Variants in KLHL11 observed in about 807,000 individuals in gnomAD.
The protein encoded by KLHL11 is kelch like family member 11.
KLHL11 carries 26 observed loss-of-function variants against 56.1 expected under a neutral mutation model. That is an observed-to-expected ratio of 0.46 (90% CI 0.34 to 0.64). KLHL11 has a LOEUF of 0.64. KLHL11 is among the 30% of genes least tolerant of loss of function. The probability of loss-of-function intolerance (pLI) is 0.01; values close to 1 mark genes in which losing one functional copy is unlikely to be tolerated. For missense variants in KLHL11, 627 were observed against 919.4 expected, an observed-to-expected ratio of 0.68 and a Z score of 4.11; for synonymous variants, 338 against 345.8, an observed-to-expected ratio of 0.98 and a Z score of 0.25.
chr17:41,859,057 T>G (rs1416959613), intron 1 of KLHL11, among the ~76,000 whole-genome samples: 1 of 152,158 alleles, frequency 6.6e-6, no homozygotes, highest in Non-Finnish European at 1.5e-5. Context: ...TCCAGGATCA[T>G]AGATTCAAGT....
Position 41,865,038 on chromosome 17 carries a change from G to A in KLHL11, c.333C>T (p.His111=), listed in dbSNP as rs1196568148. The A allele has an allele frequency of 1.1e-5, 18 of 1,588,006 alleles. No individual in the cohort carries two copies. Among genetic ancestry groups the A allele is most frequent in the Non-Finnish European group, 1.4e-5 (16 of 1,164,758 alleles). The change falls in exon 1 of 2, where the codon CAC becomes CAT. Residue 111 remains histidine (H), a synonymous_variant. Coordinates refer to ENST00000319121, the MANE Select transcript of KLHL11 (RefSeq NM_018143.3). ...CGGTGGCGGCAGCCAGTACCGAGCGGTGGGCCCGGAACTCGCGGCCTCCAG... is the reference window on the plus strand; with the variant it reads ...CGGTGGCGGCAGCCAGTACCGAGCGATGGGCCCGGAACTCGCGGCCTCCAG... ...GGAGGREFRA[H]RSVLAAATEY...
chr17:41,855,204 A>G lies in KLHL11; in HGVS notation c.663T>C (p.Ala221=). 1 of 1,614,146 alleles carries G rather than the reference A, an allele frequency of 6.2e-7. No individual in the cohort carries two copies. The highest frequency in any genetic ancestry group is 8.5e-7 in the Non-Finnish European group (1 of 1,180,028). The change falls in exon 2 of 2, where the codon GCT becomes GCC. Residue 221 remains alanine (A), a synonymous_variant. Coordinates refer to ENST00000319121, the MANE Select transcript of KLHL11 (RefSeq NM_018143.3). The part of the protein sequence containing the change: ...LAHMYTLSQL[A]LKAADMIRRN... Reference sequence around the variant, plus strand: ...TCCGTATCATATCAGCAGCCTTCAGAGCAAGTTGGCTCAGGGTGTACATGT... The same window carrying G: ...TCCGTATCATATCAGCAGCCTTCAGGGCAAGTTGGCTCAGGGTGTACATGT...
intron 1 of KLHL11, among the ~76,000 whole-genome samples, chr17:41,863,120 C>T (rs931199594): frequency 7.7e-4 from 117 of 152,170 alleles, no homozygotes; most frequent in African/African-American, 2.7e-3. Context: ...ACCACTGCCA[C>T]AACCTCCTAC....
intron 1 of KLHL11, among the ~76,000 whole-genome samples, chr17:41,856,529 GCAACAA>G (rs375004256): frequency 6.6e-6 from 1 of 151,814 alleles, no homozygotes; most frequent in Admixed American, 6.6e-5. Context: ...GAAAACAACA[GCAACAA>G]CAACAACAAC....
Position 41,864,972 on chromosome 17 carries a change from G to A in KLHL11, c.399C>T (p.Ser133=). 1 of 1,610,996 alleles carries A rather than the reference G, an allele frequency of 6.2e-7. No individual in the cohort carries two copies. Among genetic ancestry groups the A allele is most frequent in the East Asian group, 2.2e-5 (1 of 44,730 alleles). ...TPLLSGQFSE[S]RSGRVEMRKW... ...TGCGCATCTCCACCCGTCCCGAGCGGGACTCGGAAAACTGGCCCGAGAGCA... is the reference window on the plus strand; with the variant it reads ...TGCGCATCTCCACCCGTCCCGAGCGAGACTCGGAAAACTGGCCCGAGAGCA... The change falls in exon 1 of 2, where the codon TCC becomes TCT. Residue 133 remains serine (S), a synonymous_variant. Transcript: ENST00000319121.
At chr17:41,862,925 T>C (rs1261128070) in intron 1 of KLHL11, among the ~76,000 whole-genome samples, 1 of 152,202 alleles carries the variant, frequency 6.6e-6, no homozygotes, top group Admixed American at 6.5e-5. Context: ...CAGGCTCTTC[T>C]GCAATCTTCC....
In KLHL11 at chr17:41,864,394, G is replaced by A. The variant is rs558505418; in HGVS notation, c.545+432C>T. 3.9e-5 allele frequency among the ~76,000 whole-genome samples: 6 copies of A among 152,292 alleles called. No homozygotes were observed. In the East Asian group the frequency reaches 1.2e-3, roughly 29 times the overall value. On this transcript the variant is annotated intron_variant, in intron 1 of 1. Coordinates refer to ENST00000319121, the MANE Select transcript of KLHL11 (RefSeq NM_018143.3). ...TAATTCTCTTCTCTAAGCCAAACTGGATCCTGCCTGAGGGCGTTTGCGCTG... is the reference window on the plus strand; with the variant it reads ...TAATTCTCTTCTCTAAGCCAAACTGAATCCTGCCTGAGGGCGTTTGCGCTG...
Position 41,865,335 on chromosome 17 carries a change from C to A in KLHL11, c.36G>T (p.Ala12=). 2 of 1,372,606 alleles carry A rather than the reference C, an allele frequency of 1.5e-6. No individual in the cohort carries two copies. Among genetic ancestry groups the A allele is most frequent in the Non-Finnish European group, 9.4e-7 (1 of 1,064,190 alleles). 85.0% of individuals were successfully genotyped at this position (1,372,606 alleles called of 1,614,324 possible). Residue 12 remains alanine (A), a synonymous_variant, in exon 1 of 2, where the codon GCG becomes GCT. Transcript: ENST00000319121. ...AAAAVAAAAA[A]AAAASLQVLE... is the part of the protein sequence containing the mutation. ...GTACCTGAAGAGATGCAGCCGCGGC[C>A]GCCGCCGCCGCCGCCGCCACTGCCG... is the stretch of plus-strand genomic sequence containing the variant.
At position 41,848,531 on chromosome 17, in the gene KLHL11, G is replaced by A; in HGVS notation, c.*5209C>T. On this transcript the variant is annotated 3_prime_UTR_variant, in exon 2 of 2. Transcript: ENST00000319121. ...GTACAAACCAGCTTTAAAGAAATAT[G>A]TTTATTTAAAACTTACACTGAGACA... The A allele has an allele frequency of 2.1e-6, 1 of 482,342 alleles. No homozygotes were observed. Among genetic ancestry groups the A allele is most frequent in the Admixed American group, 3.8e-5 (1 of 26,534 alleles). The allele number at this position is 482,342 out of a possible 1,614,324, so 29.9% of individuals were successfully genotyped here. A position where few individuals can be genotyped will look rare whatever the true frequency, so the allele number is the denominator to read the frequency against.
chr17:41,860,948 T>C (rs2048398714), intron 1 of KLHL11, among the ~76,000 whole-genome samples: 1 of 152,162 alleles, frequency 6.6e-6, no homozygotes, highest in African/African-American at 2.4e-5. Context: ...GAGCTGTCTT[T>C]TGTGGGGGCG....
intron 1 of KLHL11, among the ~76,000 whole-genome samples, chr17:41,862,679 C>T (rs1242951294): frequency 4.6e-5 from 7 of 152,128 alleles, no homozygotes; most frequent in Middle Eastern, 3.2e-3. Context: ...AGATTACAGG[C>T]GTGAGCCACT....
At position 41,865,381 on chromosome 17, in the gene KLHL11, C is replaced by T. The variant is rs1597953285; in HGVS notation, c.-11G>A. ...TGCCGCAGCCGCCATCTTGACGCCG[C>T]TGCGCCCGGCCTCCACAGCCTCGGA... On this transcript the variant is annotated 5_prime_UTR_variant, in exon 1 of 2. Transcript: ENST00000319121. 7.2e-7 allele frequency: 1 copy of T among 1,387,002 alleles called. No homozygotes were observed. The highest frequency in any genetic ancestry group is 9.4e-7 in the Non-Finnish European group (1 of 1,067,306). The allele number at this position is 1,387,002 out of a possible 1,614,324, so 85.9% of individuals were successfully genotyped here.
chr17:41,853,999 A>G lies in KLHL11; in HGVS notation c.1868T>C (p.Ile623Thr). The change falls in exon 2 of 2, where the codon ATT (isoleucine) becomes ACT (threonine). Residue 623 changes from isoleucine (I) to threonine (T), a missense_variant. Around this residue, in one of 4 missense-constraint regions of KLHL11, gnomAD observed 250 missense variants for 360.6 expected, o/e 0.69. Coordinates refer to ENST00000319121, the MANE Select transcript of KLHL11 (RefSeq NM_018143.3). Reference sequence around the variant, plus strand: ...GGCTTCTTTCCGATACTGTTTATCAATATCATCACTGTTTTTCCAGCCTCC... The same window carrying G: ...GGCTTCTTTCCGATACTGTTTATCAGTATCATCACTGTTTTTCCAGCCTCC... ...IIGGWKNSDD[I>T]DKQYRKEAYR... is the part of the protein sequence containing the mutation. 6.2e-7 allele frequency: 1 copy of G among 1,614,180 alleles called. No homozygotes were observed.
intron 1 of KLHL11, among the ~76,000 whole-genome samples, chr17:41,859,037 T>C (rs1389761800): frequency 1.3e-5 from 2 of 152,182 alleles, no homozygotes; most frequent in East Asian, 3.8e-4. Context: ...ATTTCATTTT[T>C]AAATTTTTCT....
chr17:41,854,571 T>C lies in KLHL11; in HGVS notation c.1296A>G (p.Thr432=), dbSNP rs781860661. The change falls in exon 2 of 2, where the codon ACA becomes ACG. Residue 432 remains threonine, a synonymous_variant. Coordinates refer to ENST00000319121, the MANE Select transcript of KLHL11 (RefSeq NM_018143.3). This position sits in a 1 kb window ranked among gnomAD's most constrained non-coding sequence, Gnocchi z 4.9. ...TCATCAGACTACAAACATGTTCCCA[T>C]GTATTCAAATTTGGGTTATACCTTT... ...TVERYNPNLN[T]WEHVCSLMTR... is the part of the protein sequence containing the mutation. 3 of 1,614,112 alleles carry C rather than the reference T, an allele frequency of 1.9e-6. No individual in the cohort carries two copies. Among genetic ancestry groups the C allele is most frequent in the South Asian group, 2.2e-5 (2 of 91,088 alleles).
Position 41,855,201 on chromosome 17 carries a change from C to G in KLHL11, c.666G>C (p.Leu222=). ...TTCTCCGTATCATATCAGCAGCCTT[C>G]AGAGCAAGTTGGCTCAGGGTGTACA... The part of the protein sequence containing the change: ...AHMYTLSQLA[L]KAADMIRRNF... Residue 222 remains leucine (L), a synonymous_variant, in exon 2 of 2, where the codon CTG becomes CTC. Transcript: ENST00000319121. 6.2e-7 allele frequency: 1 copy of G among 1,614,122 alleles called. No individual in the cohort carries two copies. The highest frequency in any genetic ancestry group is 8.5e-7 in the Non-Finnish European group (1 of 1,180,034).
At position 41,854,109 on chromosome 17, in the gene KLHL11, A is replaced by C. The variant is rs370879079; in HGVS notation, c.1758T>G (p.Asp586Glu). ...CTGGAGGCAAGCTTTCAAGGATCTC[A>C]TCAGACACTTGGCTGGCAATTTTTC... ...AVRKIASQVS[D>E]EILESLPPEV... Residue 586 changes from aspartate to glutamate, a missense_variant, in exon 2 of 2, where the codon GAT (aspartate) becomes GAG (glutamate). By Grantham distance (45) the Asp-to-Glu change is conservative (BLOSUM62 2). Coordinates refer to ENST00000319121, the MANE Select transcript of KLHL11 (RefSeq NM_018143.3). The surrounding 1 kb of genome is among the most constrained non-coding windows in gnomAD (Gnocchi z 4.9). 9 of 1,614,064 alleles carry C rather than the reference A, an allele frequency of 5.6e-6. No homozygotes were observed. Among genetic ancestry groups the C allele is most frequent in the Middle Eastern group, 1.6e-4 (1 of 6,062 alleles).
intron 1 of KLHL11, among the ~76,000 whole-genome samples, chr17:41,861,168 G>A (rs1038574385): frequency 4.6e-5 from 7 of 152,150 alleles, no homozygotes; most frequent in South Asian, 2.1e-4. Flanking sequence ...GCTGCTGCCC[G>A]TGAGGTTTCA....
At chr17:41,856,675 G>A (rs1384436318) in intron 1 of KLHL11, among the ~76,000 whole-genome samples, 1 of 151,408 alleles carries the variant, frequency 6.6e-6, no homozygotes, top group Non-Finnish European at 1.5e-5. Flanking sequence ...CTTGAGCCAG[G>A]AGTTCAAGAC....
Sources: gnomAD v4.1 joint callset for allele counts (sites outside exome capture counted in the v4.1 genomes callset) on GRCh38, gnomAD v4.1.1 for gene constraint, gnomAD v4.1.1 regional missense constraint, Gnocchi (gnomAD v3.1) non-coding constraint, MANE v1.5 for transcripts, NCBI Gene and HGNC (gene_info 2026-07-23, HGNC 2026-07-21) for gene names.